The following CCSER1 variants were observed in gnomAD, a reference collection of about 807,000 sequenced individuals.
CCSER1 encodes the protein serine-rich coiled-coil domain-containing protein 1.
In CCSER1, 41 loss-of-function variants were observed where a neutral mutation model predicts 82.0. The observed-to-expected ratio is 0.50, with a 90% CI of 0.39 to 0.65. The LOEUF (loss-of-function observed/expected upper bound fraction) is 0.65. CCSER1 is among the 30% of genes least tolerant of loss of function. The probability of loss-of-function intolerance (pLI) is 0.00; values close to 1 mark genes in which losing one functional copy is unlikely to be tolerated. For missense variants in CCSER1, 1,119 were observed against 1,064.2 expected (o/e 1.05, Z -0.72); for synonymous variants, 414 against 383.9 (o/e 1.08, Z -0.92).
chr4:90,515,435 AT>A (rs1237144977), intron 5 of CCSER1, among the ~76,000 whole-genome samples: 1 of 152,076 alleles, frequency 6.6e-6, no homozygotes, highest in Non-Finnish European at 1.5e-5. Context: ...CATAACTTTT[AT>A]TTTTATGTAT....
chr4:91,414,127 TATGGTCAA>T (rs983098538), intron 10 of CCSER1, among the ~76,000 whole-genome samples: 2 of 152,110 alleles, frequency 1.3e-5, no homozygotes, highest in African/African-American at 4.8e-5. Flanking sequence ...AAGGTAAATA[TATGGTCAA>T]ATCAGAATGC....
intron 10 of CCSER1, among the ~76,000 whole-genome samples, chr4:91,177,324 C>T (rs768165856): frequency 1.1e-4 from 17 of 152,184 alleles, no homozygotes; most frequent in Non-Finnish European, 2.1e-4. Context: ...CAGGATGATG[C>T]TGGCCTCATA....
intron 3 of CCSER1, among the ~76,000 whole-genome samples, chr4:90,327,474 A>G (rs1292266669): frequency 6.6e-6 from 1 of 152,220 alleles, no homozygotes; most frequent in Admixed American, 6.5e-5. Context: ...ATCTTTGAAG[A>G]AACAAATAAA....
chr4:90,342,405 G>A (rs375000085), intron 3 of CCSER1, among the ~76,000 whole-genome samples: 2 of 152,062 alleles, frequency 1.3e-5, no homozygotes, highest in Admixed American at 1.3e-4. Context: ...TTCAGACATT[G>A]ACTATCCTCA....
chr4:90,305,901 A>G (rs569638645), intron 1 of CCSER1, among the ~76,000 whole-genome samples: 1 of 152,328 alleles, frequency 6.6e-6, no homozygotes, highest in South Asian at 2.1e-4. Context: ...ATCATTATTC[A>G]TGATAGCCAA....
At chr4:91,571,785 G>A (rs1763197560) in intron 10 of CCSER1, among the ~76,000 whole-genome samples, 1 of 152,128 alleles carries the variant, frequency 6.6e-6, no homozygotes, top group Admixed American at 6.5e-5. Context: ...AGTGCAATCA[G>A]CCTAGGATGG....
chr4:91,152,480 A>G (rs1005122079), intron 10 of CCSER1, among the ~76,000 whole-genome samples: 1 of 152,110 alleles, frequency 6.6e-6, no homozygotes, highest in Non-Finnish European at 1.5e-5. Context: ...TCTCTTTGCC[A>G]GTCTGTATCT....
intron 5 of CCSER1, among the ~76,000 whole-genome samples, chr4:90,496,751 G>A (rs915927527): frequency 1.3e-5 from 2 of 152,048 alleles, no homozygotes; most frequent in Non-Finnish European, 2.9e-5. Flanking sequence ...GGCCAAGGTG[G>A]GAGGATCATG....
intron 8 of CCSER1, among the ~76,000 whole-genome samples, chr4:90,861,840 T>G (rs756001083): frequency 4.0e-5 from 6 of 150,784 alleles, no homozygotes; most frequent in Non-Finnish European, 7.4e-5. Flanking sequence ...AAATGTAATA[T>G]TTCATAGTTG....
At chr4:91,303,130 A>G (rs1045747636) in intron 10 of CCSER1, among the ~76,000 whole-genome samples, 1 of 152,032 alleles carries the variant, frequency 6.6e-6, no homozygotes, top group African/African-American at 2.4e-5. Context: ...AAATGATCCC[A>G]GTAGTCTAGT....
In CCSER1 at chr4:91,153,837, C is replaced by T. The variant is rs144393967; in HGVS notation, c.2217+67843C>T. On this transcript the variant is annotated intron_variant, in intron 10 of 10. Coordinates refer to ENST00000509176, the MANE Select transcript of CCSER1 (RefSeq NM_001145065.2). ...CTGCAGAACTGCAAATATTACAGAA[C>T]GGCATATATTGCTGCCTGATGCTTC... is the stretch of plus-strand genomic sequence containing the variant. Among the ~76,000 whole-genome samples the T allele has an allele frequency of 2.2e-3, 342 of 152,004 alleles. 4 individuals carry two copies. The highest frequency in any genetic ancestry group is 0.014 in the South Asian group (65 of 4,814).
chr4:90,763,184 A>G (rs1750661705), intron 7 of CCSER1, among the ~76,000 whole-genome samples: 1 of 151,960 alleles, frequency 6.6e-6, no homozygotes, highest in Non-Finnish European at 1.5e-5. Flanking sequence ...GAATTTGCAT[A>G]TTTTCATAAT....
chr4:90,141,042 A>ATCTG (rs1724690533), intron 1 of CCSER1, among the ~76,000 whole-genome samples: 1 of 151,592 alleles, frequency 6.6e-6, no homozygotes, highest in African/African-American at 2.4e-5. Flanking sequence ...CTATCTATCT[A>ATCTG]TCTATCTATC....
intron 1 of CCSER1, among the ~76,000 whole-genome samples, chr4:90,134,802 G>A (rs1456568278): frequency 6.6e-6 from 1 of 152,104 alleles, no homozygotes; most frequent in African/African-American, 2.4e-5. Flanking sequence ...CTATTTAACT[G>A]TGGATTTAAT....
intron 10 of CCSER1, among the ~76,000 whole-genome samples, chr4:91,146,667 T>G (rs2148941736): frequency 6.6e-6 from 1 of 152,224 alleles, no homozygotes; most frequent in Non-Finnish European, 1.5e-5. Flanking sequence ...TGGTGTATGT[T>G]GTTTATAGTC....
At chr4:91,120,962 A>G (rs957047413) in intron 10 of CCSER1, among the ~76,000 whole-genome samples, 1 of 151,918 alleles carries the variant, frequency 6.6e-6, no homozygotes, top group Non-Finnish European at 1.5e-5. Flanking sequence ...TTCTAGATAA[A>G]CACCTCTCTT....
intron 5 of CCSER1, among the ~76,000 whole-genome samples, chr4:90,551,950 C>A (rs903770658): frequency 6.6e-6 from 1 of 152,018 alleles, no homozygotes; most frequent in African/African-American, 2.4e-5. Context: ...CTGCTGAGGG[C>A]TATTCTCTGT....
intron 3 of CCSER1, among the ~76,000 whole-genome samples, chr4:90,321,926 G>A (rs1737211796): frequency 6.6e-6 from 1 of 152,058 alleles, no homozygotes; most frequent in African/African-American, 2.4e-5. Context: ...CTCCCCTTCT[G>A]TGGGTTGTCT....
At chr4:91,280,990 C>A (rs1742871246) in intron 10 of CCSER1, among the ~76,000 whole-genome samples, 1 of 152,114 alleles carries the variant, frequency 6.6e-6, no homozygotes, top group Non-Finnish European at 1.5e-5. Context: ...GAAGCAATGT[C>A]ATTGGGTGGT....
Sources: allele counts gnomAD v4.1 joint callset (sites outside exome capture counted in the v4.1 genomes callset), GRCh38; gene constraint gnomAD v4.1.1; transcripts MANE v1.5; gene names NCBI Gene and HGNC (gene_info 2026-07-23, HGNC 2026-07-21).